Variants in DCDC1 observed in about 807,000 individuals in gnomAD.
DCDC1 encodes doublecortin domain-containing protein 1.
Under a neutral mutation model 178.3 loss-of-function variants are expected in DCDC1, and 200 were observed. That is an observed-to-expected ratio of 1.12 (90% CI 1.00 to 1.26). The LOEUF (loss-of-function observed/expected upper bound fraction) is 1.26, where lower values mean the gene tolerates loss of function less well. Ranked by LOEUF, DCDC1 falls within the 50% of genes most tolerant of loss-of-function variation. The pLI, the probability that DCDC1 is intolerant of heterozygous loss-of-function variation, is 0.00. For missense variants in DCDC1, 1,983 were observed against 1,749.2 expected (o/e 1.13, Z -2.38); for synonymous variants, 690 against 604.8 (o/e 1.14, Z -2.07).
intron 9 of DCDC1, among the ~76,000 whole-genome samples, chr11:31,230,786 G>A (rs997576659): frequency 2.0e-5 from 3 of 151,674 alleles, no homozygotes; most frequent in Admixed American, 2.0e-4. Flanking sequence ...TACAAAGTAT[G>A]TAATTTCTGG....
chr11:31,082,232 C>T (rs1258482376), intron 17 of DCDC1, among the ~76,000 whole-genome samples: 1 of 152,112 alleles, frequency 6.6e-6, no homozygotes, highest in East Asian at 1.9e-4. Context: ...AGTCCTGCAT[C>T]TAACGTTAAC....
In DCDC1 at chr11:30,903,494, C is replaced by G; in HGVS notation, c.4498G>C (p.Glu1500Gln). The G allele has an allele frequency of 6.3e-7, 1 of 1,595,474 alleles. No homozygotes were observed. The highest frequency in any genetic ancestry group is 8.5e-7 in the Non-Finnish European group (1 of 1,170,072). ...GATTGTAGCCAACCTTCCATACTTTCAACAATTATCTGTTCTTTTCCAACA... is the reference window on the plus strand; with the variant it reads ...GATTGTAGCCAACCTTCCATACTTTGAACAATTATCTGTTCTTTTCCAACA... The part of the protein sequence containing the change: ...APVGKEQIIV[E>Q]SMEENPRMKV... The change falls in exon 32 of 39, where the codon GAA becomes CAA. Residue 1500 changes from glutamate (E) to glutamine (Q), a missense_variant. Coordinates refer to ENST00000684477, the MANE Select transcript of DCDC1 (RefSeq NM_001387274.1).
chr11:31,354,059 G>A (rs998547560), intron 1 of DCDC1, among the ~76,000 whole-genome samples: 9 of 152,148 alleles, frequency 5.9e-5, no homozygotes, highest in Non-Finnish European at 8.8e-5. Context: ...AGGCCAAGGC[G>A]GGAGGATCAC....
chr11:31,029,111 A>G (rs1431703929), intron 20 of DCDC1, among the ~76,000 whole-genome samples: 1 of 151,966 alleles, frequency 6.6e-6, no homozygotes, highest in Non-Finnish European at 1.5e-5. Context: ...TCCATTTCCT[A>G]CTCTCCTGCA....
intron 6 of DCDC1, among the ~76,000 whole-genome samples, chr11:31,297,611 C>G (rs1363720321): frequency 1.3e-5 from 2 of 152,148 alleles, no homozygotes; most frequent in Non-Finnish European, 2.9e-5. Context: ...TCCCAAAGTG[C>G]TGGGATCACA....
intron 34 of DCDC1, among the ~76,000 whole-genome samples, chr11:30,897,553 AGCCTGG>A (rs1216632903): frequency 2.0e-4 from 27 of 135,064 alleles, no homozygotes; most frequent in Admixed American, 1.1e-3. Context: ...GCTGGACTCC[AGCCTGG>A]GCGACAGAAC....
At chr11:30,928,278 C>T (rs1370452688) in intron 22 of DCDC1, among the ~76,000 whole-genome samples, 2 of 152,136 alleles carry the variant, frequency 1.3e-5, no homozygotes, top group Non-Finnish European at 2.9e-5. Flanking sequence ...CTGAAGCCCT[C>T]ACCAGATGCA....
At chr11:31,201,996 T>A (rs553117296) in intron 9 of DCDC1, among the ~76,000 whole-genome samples, 2 of 152,338 alleles carry the variant, frequency 1.3e-5, no homozygotes, top group South Asian at 4.1e-4. Context: ...TTTAAAAAGA[T>A]CAATTTTAGA....
chr11:30,911,464 G>C (rs1048794590), intron 27 of DCDC1, 44 bp from the exon 28 acceptor site: 1 of 1,463,998 alleles, frequency 6.8e-7, no homozygotes, highest in African/African-American at 1.4e-5. Context: ...AGCATGACCA[G>C]ATTAGATCTC....
At chr11:31,171,107 C>T (rs897133752) in intron 9 of DCDC1, among the ~76,000 whole-genome samples, 8 of 152,108 alleles carry the variant, frequency 5.3e-5, no homozygotes, top group Admixed American at 1.3e-4. Flanking sequence ...GGATTACAGA[C>T]GTGAGCCATT....
rs779296680 is a variant in DCDC1 at position 31,235,403 on chromosome 11, GA to G, written c.1221+6046del. Among the ~76,000 whole-genome samples the G allele has an allele frequency of 4.8e-5, 7 of 144,376 alleles. No individual in the cohort carries two copies. The East Asian group carries it at 6.0e-4, about 12-fold the overall frequency. The allele number at this position is 144,376 out of a possible 152,430, so 94.7% of individuals were successfully genotyped here. A position where few individuals can be genotyped will look rare whatever the true frequency, so the allele number is the denominator to read the frequency against. On this transcript the variant is annotated intron_variant, in intron 9 of 38. Coordinates refer to ENST00000684477, the MANE Select transcript of DCDC1 (RefSeq NM_001387274.1). ...TATTCTGTAAAGGGAGAGTTGAGTA[GA>G]AAAAAAAAACACAACTTTCCTTGTT...
intron 9 of DCDC1, among the ~76,000 whole-genome samples, chr11:31,145,366 G>C (rs1964330317): frequency 6.6e-6 from 1 of 152,156 alleles, no homozygotes; most frequent in Admixed American, 6.5e-5. Context: ...TCGAAGATAG[G>C]AACGAGTGCG....
intron 17 of DCDC1, among the ~76,000 whole-genome samples, chr11:31,079,965 TAAATA>T (rs1280619496): frequency 6.6e-6 from 1 of 152,068 alleles, no homozygotes; most frequent in African/African-American, 2.4e-5. Context: ...TGTTTAATAT[TAAATA>T]AAATATCTTT....
chr11:31,038,735 G>T (rs932403228), intron 20 of DCDC1, among the ~76,000 whole-genome samples: 16 of 152,158 alleles, frequency 1.1e-4, no homozygotes, highest in Non-Finnish European at 2.2e-4. Flanking sequence ...ATGGAGCATG[G>T]TTGAAGACCC....
At chr11:31,263,471 T>C (rs965596236) in intron 8 of DCDC1, among the ~76,000 whole-genome samples, 2 of 152,174 alleles carry the variant, frequency 1.3e-5, no homozygotes, top group South Asian at 2.1e-4. Flanking sequence ...CTAATCCTTC[T>C]AGATAATGGG....
At chr11:31,029,544 T>A (rs954048523) in intron 20 of DCDC1, among the ~76,000 whole-genome samples, 1 of 152,086 alleles carries the variant, frequency 6.6e-6, no homozygotes, top group Admixed American at 6.5e-5. Context: ...ATATATTTTT[T>A]AAATTGACAT....
intron 20 of DCDC1, among the ~76,000 whole-genome samples, chr11:30,965,123 T>C (rs1949351077): frequency 6.6e-6 from 1 of 152,148 alleles, no homozygotes; most frequent in Admixed American, 6.6e-5. Context: ...CACGAAAGAT[T>C]GCCATAGACA....
chr11:31,018,455 C>T (rs894748602), intron 20 of DCDC1, among the ~76,000 whole-genome samples: 2 of 152,280 alleles, frequency 1.3e-5, no homozygotes, highest in African/African-American at 4.8e-5. Flanking sequence ...AGCTCCTAAG[C>T]GCCAGATGCC....
chr11:30,987,306 C>T (rs188796766), intron 20 of DCDC1, among the ~76,000 whole-genome samples: 5 of 152,210 alleles, frequency 3.3e-5, no homozygotes, highest in Non-Finnish European at 4.4e-5. Flanking sequence ...CGTGAGCCAC[C>T]GCACCCAGGC....
Sources: gnomAD v4.1 joint callset for allele counts (sites outside exome capture counted in the v4.1 genomes callset) on GRCh38, gnomAD v4.1.1 for gene constraint, MANE v1.5 for transcripts, NCBI Gene and HGNC (gene_info 2026-07-23, HGNC 2026-07-21) for gene names.